The following DMD variants were observed in gnomAD, a reference collection of about 807,000 sequenced individuals.
The protein encoded by DMD is mutant dystrophin.
Under a neutral mutation model 330.1 loss-of-function variants are expected in DMD, and 63 were observed. That is an observed-to-expected ratio of 0.19 (90% CI 0.16 to 0.24). The LOEUF (loss-of-function observed/expected upper bound fraction) is 0.24, where lower values mean the gene tolerates loss of function less well. Ranked by LOEUF, DMD falls within the 10% of genes least tolerant of loss-of-function variation. The pLI is 1.00. For missense variants in DMD, 3,344 were observed against 2,684.1 expected (o/e 1.25, Z -5.43); for synonymous variants, 1,223 against 959.8 (o/e 1.27, Z -5.07).
At chrX:32,285,405 T>C (rs989573832) in intron 43 of DMD, among the ~76,000 whole-genome samples, 21 of 111,830 alleles carry the variant, frequency 1.9e-4, no homozygotes, top group African/African-American at 6.2e-4. Context: ...GGTGGCGATA[T>C]AAGTTTATTC....
chrX:33,102,914 C>T (rs1333931838), intron 1 of DMD, among the ~76,000 whole-genome samples: 2 of 111,532 alleles, frequency 1.8e-5, no homozygotes, highest in African/African-American at 6.5e-5. Flanking sequence ...TACTTAAACC[C>T]GTAAATGGCA....
At chrX:32,394,058 G>A (rs940004290) in intron 30 of DMD, among the ~76,000 whole-genome samples, 14 of 111,460 alleles carry the variant, frequency 1.3e-4, no homozygotes, top group Middle Eastern at 4.6e-3. Flanking sequence ...ATAAAATTCA[G>A]GTCAATCAGA....
intron 52 of DMD, among the ~76,000 whole-genome samples, chrX:31,699,906 G>A (rs1298040184): frequency 2.7e-5 from 3 of 111,092 alleles, no homozygotes; most frequent in African/African-American, 9.8e-5. Flanking sequence ...ATGTTCTCTC[G>A]GCTGGGCACG....
intron 43 of DMD, among the ~76,000 whole-genome samples, chrX:32,241,292 T>C (rs1316376625): frequency 8.9e-6 from 1 of 112,337 alleles, no homozygotes; most frequent in Non-Finnish European, 1.9e-5. Context: ...GGTTTAAAGT[T>C]CTTGCACTGC....
rs1366248553 is a variant in DMD, at chrX:32,953,776, C to G, written c.93+66363G>C. Among the ~76,000 whole-genome samples, 3 of 112,023 alleles carry G rather than the reference C, an allele frequency of 2.7e-5. No homozygotes were observed. In the Admixed American group the frequency reaches 2.8e-4, roughly 11 times the overall value. ...TATGCTATCATGAGAAAGACATGTG[C>G]GGAAACTAGGAAGAAGCTTGTATTC... On this transcript the variant is annotated intron_variant, in intron 2 of 78. Transcript: ENST00000357033.
chrX:32,829,298 C>A (rs1026896718), intron 4 of DMD, among the ~76,000 whole-genome samples: 1 of 111,551 alleles, frequency 9.0e-6, no homozygotes, highest in Admixed American at 9.5e-5. Context: ...CCTTTAATAA[C>A]CTACTAAATG....
chrX:32,813,231 A>C (rs2148781371), intron 6 of DMD, among the ~76,000 whole-genome samples: 1 of 112,326 alleles, frequency 8.9e-6, no homozygotes, highest in East Asian at 2.8e-4. Flanking sequence ...AAAATTAATT[A>C]ACATTTTAAA....
At chrX:32,955,349 G>A (rs1384839510) in intron 2 of DMD, among the ~76,000 whole-genome samples, 5 of 104,669 alleles carry the variant, frequency 4.8e-5, no homozygotes, top group African/African-American at 3.5e-5. Flanking sequence ...CTTTTGAGAA[G>A]TGTCTGTTCA....
At chrX:32,077,718 C>A (rs887250513) in intron 44 of DMD, among the ~76,000 whole-genome samples, 29 of 111,559 alleles carry the variant, frequency 2.6e-4, no homozygotes, top group Admixed American at 4.8e-4. Flanking sequence ...CTCCTCTGGA[C>A]CTTCCATATC....
At chrX:31,513,209 T>A (rs773581852) in intron 55 of DMD, among the ~76,000 whole-genome samples, 3 of 94,579 alleles carry the variant, frequency 3.2e-5, no homozygotes, top group African/African-American at 1.2e-4. Flanking sequence ...TTGCTGAAGT[T>A]GCTTATCAGC....
chrX:32,700,971 AAAGTATTTTTAAAAAGAGTT>A (rs1482339293), intron 7 of DMD, among the ~76,000 whole-genome samples: 1 of 112,216 alleles, frequency 8.9e-6, no homozygotes, highest in Non-Finnish European at 1.9e-5. Flanking sequence ...AGCTATTTTT[AAAGTATTTTTAAAAAGAGTT>A]ACAAGAGACG....
rs144582783 is a variant in DMD, at chrX:32,576,263, C to T, written c.1603-2417G>A. On this transcript the variant is annotated intron_variant, in intron 13 of 78. Coordinates refer to ENST00000357033, the MANE Select transcript of DMD (RefSeq NM_004006.3). ...TTATTTTTCTTTCTTCGCAATTTCA[C>T]GGATAGACTTGCTCTTACCACAGAT... Among the ~76,000 whole-genome samples the T allele has an allele frequency of 4.4e-3, 492 of 111,544 alleles. 2 individuals are homozygous for T. The highest frequency in any genetic ancestry group is 0.015 in the African/African-American group (462 of 30,746).
At chrX:31,541,787 G>T (rs375630344) in intron 55 of DMD, among the ~76,000 whole-genome samples, 1 of 110,548 alleles carries the variant, frequency 9.0e-6, no homozygotes, top group Non-Finnish European at 1.9e-5. Flanking sequence ...AAATAGTGCC[G>T]CAATAAACAT....
intron 22 of DMD, among the ~76,000 whole-genome samples, 165 bp downstream of exon 22, chrX:32,471,999 G>C (rs2040684680): frequency 8.9e-6 from 1 of 112,348 alleles, no homozygotes; most frequent in African/African-American, 3.2e-5. Flanking sequence ...TCCATAGATA[G>C]AGTATATGCA....
At chrX:33,175,655 C>T (rs974535899) in intron 1 of DMD, among the ~76,000 whole-genome samples, 5 of 111,735 alleles carry the variant, frequency 4.5e-5, no homozygotes, top group African/African-American at 1.6e-4. Context: ...GTCAGACACA[C>T]CTGAGTTTGA....
chrX:32,947,024 T>C (rs2090867890), intron 2 of DMD, among the ~76,000 whole-genome samples: 2 of 112,362 alleles, frequency 1.8e-5, no homozygotes, highest in African/African-American at 6.5e-5. Flanking sequence ...CTTATGTATT[T>C]CGTAAACGCA....
At chrX:33,274,129 C>T (rs1343252133) in intron 1 of DMD, among the ~76,000 whole-genome samples, 1 of 111,842 alleles carries the variant, frequency 8.9e-6, no homozygotes, top group East Asian at 2.8e-4. Flanking sequence ...AATGTCATCT[C>T]CCTATTACTG....
chrX:32,496,840 A>G (rs1209793083), intron 19 of DMD, among the ~76,000 whole-genome samples: 1 of 112,596 alleles, frequency 8.9e-6, no homozygotes, highest in Non-Finnish European at 1.9e-5. Context: ...GAGAAAGAAG[A>G]AATATAAATC....
At chrX:33,011,294 G>A (rs1377287831) in intron 2 of DMD, among the ~76,000 whole-genome samples, 1 of 111,163 alleles carries the variant, frequency 9.0e-6, no homozygotes, top group Non-Finnish European at 1.9e-5. Flanking sequence ...CTTCAAGAAT[G>A]GCATTATATG....
Sources: allele counts gnomAD v4.1 joint callset (sites outside exome capture counted in the v4.1 genomes callset), GRCh38; gene constraint gnomAD v4.1.1; transcripts MANE v1.5; gene names NCBI Gene and HGNC (gene_info 2026-07-23, HGNC 2026-07-21).